The following AKAP1 variants were observed in gnomAD, a reference collection of about 807,000 sequenced individuals.
The protein encoded by AKAP1 is A-kinase anchoring protein 1, also known as A-kinase anchor protein 1, mitochondrial.
In AKAP1, 32 loss-of-function variants were observed where a neutral mutation model predicts 79.8. The ratio of observed to expected loss-of-function variants is 0.40; its 90% CI spans 0.30 to 0.54. The LOEUF (loss-of-function observed/expected upper bound fraction) is 0.54, where lower values mean the gene tolerates loss of function less well. AKAP1 is among the 20% of genes least tolerant of loss of function. The pLI is 0.47. For synonymous variants in AKAP1, 416 were observed against 466.7 expected, an observed-to-expected ratio of 0.89 and a Z score of 1.40; for missense variants, 961 against 1,138.9, an observed-to-expected ratio of 0.84 and a Z score of 2.25.
chr17:57,112,932 G>A (rs1915343285), intron 5 of AKAP1, among the ~76,000 whole-genome samples: 1 of 152,214 alleles, frequency 6.6e-6, no homozygotes, highest in Non-Finnish European at 1.5e-5. Context: ...AGTTCGGACA[G>A]GAGATTGGGT....
chr17:57,089,781 G>A (rs141296202), intron 1 of AKAP1, among the ~76,000 whole-genome samples: 24 of 152,330 alleles, frequency 1.6e-4, no homozygotes, highest in Non-Finnish European at 3.2e-4. Context: ...TGCCAGTTGG[G>A]AGTGGACGAA....
In AKAP1 at chr17:57,111,929, G is replaced by C; in HGVS notation, c.1975+5G>C. On this transcript the variant is annotated splice_donor_5th_base_variant and intron_variant, in intron 4 of 10. Transcript: ENST00000337714. Reference sequence around the variant, plus strand: ...TCCAGATCTGCCACATAGAAGGTCAGTAACATCTGCTGCTTGTATTGCCTC... The same window carrying C: ...TCCAGATCTGCCACATAGAAGGTCACTAACATCTGCTGCTTGTATTGCCTC... 1.9e-6 allele frequency: 3 copies of C among 1,611,026 alleles called. No homozygotes were observed. The highest frequency in any genetic ancestry group is 1.1e-5 in the South Asian group (1 of 90,786).
At chr17:57,102,620 A>G (rs1597972205) in intron 1 of AKAP1, among the ~76,000 whole-genome samples, 1 of 149,460 alleles carries the variant, frequency 6.7e-6, no homozygotes, top group African/African-American at 2.5e-5. Flanking sequence ...TCCCGCCACA[A>G]CTCCCGGCTC....
chr17:57,106,440 A>G lies in AKAP1; in HGVS notation c.976A>G (p.Arg326Gly). Residue 326 changes from arginine (R) to glycine (G), a missense_variant, in exon 2 of 11, where the codon AGA becomes GGA. By Grantham distance (125) the Arg-to-Gly change is moderately radical. This residue lies in a region of AKAP1 where 629 missense variants were observed against 781.1 expected (regional missense o/e 0.81). Coordinates refer to ENST00000337714, the MANE Select transcript of AKAP1 (RefSeq NM_003488.4). The stretch of plus-strand genomic sequence containing the variant: ...GGATAGAAATGAGGAGGGCTTGGAT[A>G]GAAATGAGGAGAGCTTGGATAGAAA... Reference protein sequence around the residue: ...GLDRNEEGLDRNEESLDRNEE... With the variant: ...GLDRNEEGLDGNEESLDRNEE... 6.8e-7 allele frequency: 1 copy of G among 1,478,370 alleles called. No homozygotes were observed. Among genetic ancestry groups the G allele is most frequent in the Non-Finnish European group, 9.4e-7 (1 of 1,063,856 alleles). The allele number at this position is 1,478,370 out of a possible 1,614,324, so 91.6% of individuals were successfully genotyped here. A position where few individuals can be genotyped will look rare whatever the true frequency, so the allele number is the denominator to read the frequency against.
Position 57,106,763 on chromosome 17 carries a change from G to C in AKAP1, c.1299G>C (p.Lys433Asn), listed in dbSNP as rs1914903058. ...CAGCAGAGGGCTCACCACCACCAAAGACCTACGTGAGCTGCCTGAAGAGCC... is the reference window on the plus strand; with the variant it reads ...CAGCAGAGGGCTCACCACCACCAAACACCTACGTGAGCTGCCTGAAGAGCC... ...GLPAEGSPPPKTYVSCLKSLL... is the reference protein window; with the variant it reads ...GLPAEGSPPPNTYVSCLKSLL... The change falls in exon 2 of 11, where the codon AAG becomes AAC. Residue 433 changes from lysine (K) to asparagine (N), a missense_variant. Lys to Asn is a moderately conservative substitution (Grantham distance 94). Around this residue, in one of 3 missense-constraint regions of AKAP1, gnomAD observed 629 missense variants for 781.1 expected, o/e 0.81. Transcript: ENST00000337714. 1.2e-6 allele frequency: 2 copies of C among 1,614,024 alleles called. No homozygotes were observed. Among genetic ancestry groups the C allele is most frequent in the Non-Finnish European group, 1.7e-6 (2 of 1,180,026 alleles).
chr17:57,102,859 CG>C (rs988945584), intron 1 of AKAP1, among the ~76,000 whole-genome samples: 5 of 151,902 alleles, frequency 3.3e-5, no homozygotes, highest in African/African-American at 1.2e-4. Flanking sequence ...GGCCGGCTGG[CG>C]GATCACCTGA....
chr17:57,112,392 A>G (rs1915302467), intron 4 of AKAP1, 99 bp from the exon 5 acceptor site: 3 of 1,441,638 alleles, frequency 2.1e-6, no homozygotes, highest in Non-Finnish European at 1.9e-6. Flanking sequence ...AACTCTATGC[A>G]AAGTCCAGTG....
rs557000733 is a variant in AKAP1 at position 57,097,973 on chromosome 17, T to TA, written c.-24-7467dup. ...TAGTCACTGGGACCAACACTCTCTG[T>TA]ACCATTGCCAGGGATTTGTTTTCTT... On this transcript the variant is annotated intron_variant, in intron 1 of 10. Coordinates refer to ENST00000337714, the MANE Select transcript of AKAP1 (RefSeq NM_003488.4). Among the ~76,000 whole-genome samples, 107 of 152,352 alleles carry TA rather than the reference T, an allele frequency of 7.0e-4. No individual in the cohort carries two copies. In the South Asian group the frequency reaches 9.7e-3, roughly 14 times the overall value.
chr17:57,112,470 C>T, intron 4 of AKAP1, 21 bp from the exon 5 acceptor site: 1 of 1,610,174 alleles, frequency 6.2e-7, no homozygotes, highest in Non-Finnish European at 8.5e-7. Flanking sequence ...ATTGTATGTC[C>T]TGCCCCCATC....
chr17:57,086,559 G>A lies in AKAP1; in HGVS notation c.-25+1161G>A, dbSNP rs1913474096. Reference sequence around the variant, plus strand: ...CCAGGTGCGAGTCGAGGCCTCTCAAGCTGGGTAGGGTGTATGCGCAGGGCA... The same window carrying A: ...CCAGGTGCGAGTCGAGGCCTCTCAAACTGGGTAGGGTGTATGCGCAGGGCA... On this transcript the variant is annotated intron_variant, in intron 1 of 10. Coordinates refer to ENST00000337714, the MANE Select transcript of AKAP1 (RefSeq NM_003488.4). This position sits in a 1 kb window ranked among gnomAD's most constrained non-coding sequence, Gnocchi z 5.1. 4.8e-6 allele frequency: 2 copies of A among 419,334 alleles called. No individual in the cohort carries two copies. Among genetic ancestry groups the A allele is most frequent in the Admixed American group, 2.8e-5 (1 of 36,092 alleles). The allele number at this position is 419,334 out of a possible 1,614,324, so 26.0% of individuals were successfully genotyped here.
At chr17:57,113,218 C>T (rs1189049622) in intron 5 of AKAP1, among the ~76,000 whole-genome samples, 1 of 152,232 alleles carries the variant, frequency 6.6e-6, no homozygotes, top group Non-Finnish European at 1.5e-5. Context: ...CTGCTGACTG[C>T]AGGGTCTCTC....
chr17:57,116,054 C>T, intron 6 of AKAP1, 57 bp from the exon 7 acceptor site: 1 of 1,581,616 alleles, frequency 6.3e-7, no homozygotes. Flanking sequence ...GGCCAGGTGG[C>T]CCTTGGTGCC....
intron 3 of AKAP1, 70 bp downstream of exon 3, chr17:57,110,228 C>G: frequency 1.3e-6 from 2 of 1,576,274 alleles, no homozygotes; most frequent in South Asian, 2.3e-5. Flanking sequence ...GCCATTAGAC[C>G]TCAGGGAGGG....
intron 1 of AKAP1, chr17:57,092,268 C>G (rs1042049291): frequency 6.6e-6 from 1 of 152,248 alleles, no homozygotes; most frequent in Non-Finnish European, 1.5e-5. Flanking sequence ...TCCTCCTTCC[C>G]TCTAACTTGG....
intron 8 of AKAP1, among the ~76,000 whole-genome samples, chr17:57,117,783 C>A (rs1915676206): frequency 6.6e-6 from 1 of 152,096 alleles, no homozygotes; most frequent in South Asian, 2.1e-4. Flanking sequence ...TTGGTAAACC[C>A]CTGTCTCTCC....
chr17:57,100,444 C>CA (rs1256485268), intron 1 of AKAP1, among the ~76,000 whole-genome samples: 2 of 148,742 alleles, frequency 1.3e-5, no homozygotes, highest in African/African-American at 4.9e-5. Flanking sequence ...CACACACACA[C>CA]ACGCACACAC....
chr17:57,107,502 A>C (rs1914969087), intron 2 of AKAP1, among the ~76,000 whole-genome samples: 1 of 151,976 alleles, frequency 6.6e-6, no homozygotes, highest in Admixed American at 6.6e-5. Context: ...TGTTTAAAAA[A>C]ATTATTATTA....
intron 8 of AKAP1, 152 bp from the exon 9 acceptor site, chr17:57,118,229 G>T: frequency 1.5e-6 from 1 of 669,696 alleles, no homozygotes; most frequent in Non-Finnish European, 2.7e-6. Flanking sequence ...CCTAGGCTCT[G>T]TCTCTGACCT....
rs772220343 is a variant in AKAP1 at position 57,114,516 on chromosome 17, G to A, written c.2161G>A (p.Gly721Arg). The A allele has an allele frequency of 8.7e-6, 14 of 1,614,006 alleles. No homozygotes were observed. The highest frequency in any genetic ancestry group is 2.2e-5 in the East Asian group (1 of 44,878). The part of the protein sequence containing the change: ...EVIVVNQVNA[G>R]HLFVQQHTHP... ...CATTGTGGTCAACCAGGTCAATGCCGGGCACCTGTTCGTGCAGCAGCACAC... is the reference window on the plus strand; with the variant it reads ...CATTGTGGTCAACCAGGTCAATGCCAGGCACCTGTTCGTGCAGCAGCACAC... The change falls in exon 6 of 11, where the codon GGG (glycine) becomes AGG (arginine). Residue 721 changes from glycine (G) to arginine (R), a missense_variant. Physicochemically the swap from Gly to Arg is moderately radical, Grantham distance 125 (BLOSUM62 -2). Around this residue, in one of 3 missense-constraint regions of AKAP1, gnomAD observed 629 missense variants for 781.1 expected, o/e 0.81. Transcript: ENST00000337714.
Sources: gnomAD v4.1 joint callset for allele counts (sites outside exome capture counted in the v4.1 genomes callset) on GRCh38, gnomAD v4.1.1 for gene constraint, gnomAD v4.1.1 regional missense constraint, Gnocchi (gnomAD v3.1) non-coding constraint, MANE v1.5 for transcripts, NCBI Gene and HGNC (gene_info 2026-07-23, HGNC 2026-07-21) for gene names.